TENM2: variants seen among roughly 807,000 people sequenced by gnomAD.
TENM2 encodes teneurin transmembrane protein 2.
Under a neutral mutation model 245.2 loss-of-function variants are expected in TENM2, and 52 were observed. The observed-to-expected ratio is 0.21, with a 90% CI of 0.17 to 0.27. The LOEUF is 0.27. Ranked by LOEUF, TENM2 falls within the 10% of genes least tolerant of loss-of-function variation. The pLI, the probability that TENM2 is intolerant of heterozygous loss-of-function variation, is 1.00. For missense variants in TENM2, 3,046 were observed against 3,666.8 expected, an observed-to-expected ratio of 0.83 and a Z score of 4.37; for synonymous variants, 1,363 against 1,438.9, an observed-to-expected ratio of 0.95 and a Z score of 1.19.
chr5:167,313,382 T>A (rs1756155773), intron 1 of TENM2, among the ~76,000 whole-genome samples: 1 of 152,074 alleles, frequency 6.6e-6, no homozygotes, highest in South Asian at 2.1e-4. Flanking sequence ...GGCTCACGCC[T>A]TATAATCCCA....
At chr5:168,246,674 G>A in intron 26 of TENM2, 83 bp from the exon 29 acceptor site, 1 of 1,341,058 alleles carries the variant, frequency 7.5e-7, no homozygotes, top group Admixed American at 1.9e-5. Context: ...TGACATTTGG[G>A]GAAATGGACT....
intron 1 of TENM2, among the ~76,000 whole-genome samples, chr5:167,295,221 G>T (rs1754881013): frequency 6.6e-6 from 1 of 152,200 alleles, no homozygotes; most frequent in Non-Finnish European, 1.5e-5. Context: ...AATGTGGATG[G>T]TATGTCTGTC....
intron 27 of TENM2, among the ~76,000 whole-genome samples, chr5:168,254,733 TGAG>T (rs1291961486): frequency 6.6e-6 from 1 of 152,018 alleles, no homozygotes; most frequent in Non-Finnish European, 1.5e-5. Flanking sequence ...AAGATCCCAA[TGAG>T]GAGAGTCTTC....
intron 2 of TENM2, among the ~76,000 whole-genome samples, chr5:167,423,823 A>T (rs1763651877): frequency 1.3e-5 from 2 of 152,158 alleles, no homozygotes; most frequent in South Asian, 4.1e-4. Context: ...TCTGAAATTC[A>T]TGGGTAGCTA....
At chr5:167,084,364 T>TATATAC in the TENM2 span, among the ~76,000 whole-genome samples, 4 of 111,142 alleles carry the variant, frequency 3.6e-5, 1 homozygote, top group Non-Finnish European at 8.0e-5. Flanking sequence ...TATATATATA[T>TATATAC]ATACAGATCA....
rs545808960 is a variant in TENM2, at chr5:167,603,686, CAAAAT to C, written c.502+228221_502+228225del. On this transcript the variant is annotated intron_variant, in intron 2 of 28. Transcript: ENST00000518659. The stretch of plus-strand genomic sequence containing the variant: ...ACAGAGTCAGACCTTGTCTCAAAAA[CAAAAT>C]AAAATAAGAGTAGTCTTTAAGATCA... Among the ~76,000 whole-genome samples the C allele has an allele frequency of 4.7e-4, 71 of 152,164 alleles. 1 individual carries two copies. The highest frequency in any genetic ancestry group is 1.7e-3 in the African/African-American group (69 of 41,526).
intron 2 of TENM2, among the ~76,000 whole-genome samples, chr5:167,438,840 C>T (rs1478468331): frequency 6.6e-6 from 1 of 152,096 alleles, no homozygotes; most frequent in Non-Finnish European, 1.5e-5. Context: ...GTCACCCAGA[C>T]TGGAGTGCAA....
chr5:167,583,518 C>T (rs1032260781), intron 2 of TENM2, among the ~76,000 whole-genome samples: 1 of 123,280 alleles, frequency 8.1e-6, no homozygotes, highest in Non-Finnish European at 1.8e-5. Flanking sequence ...ACACCCCAAA[C>T]CTATCTTAAA....
chr5:167,886,553 C>T (rs1202406775), intron 3 of TENM2, among the ~76,000 whole-genome samples: 1 of 152,110 alleles, frequency 6.6e-6, no homozygotes, highest in African/African-American at 2.4e-5. Flanking sequence ...CAAGAAATAG[C>T]AGCAAAGCAT....
chr5:168,214,805 A>C (rs1225942068), intron 20 of TENM2: 4 of 613,114 alleles, frequency 6.5e-6, no homozygotes, highest in African/African-American at 1.8e-5. Context: ...ACAGTTGTTT[A>C]GCATGGTGGG....
At chr5:168,072,939 G>A (rs1269280971) in intron 7 of TENM2, among the ~76,000 whole-genome samples, 1 of 152,170 alleles carries the variant, frequency 6.6e-6, no homozygotes, top group African/African-American at 2.4e-5. Context: ...CGAGACTCTA[G>A]TATAGACTGC....
At chr5:167,855,214 C>T (rs1770954493) in intron 2 of TENM2, among the ~76,000 whole-genome samples, 1 of 152,064 alleles carries the variant, frequency 6.6e-6, no homozygotes, top group African/African-American at 2.4e-5. Flanking sequence ...ATTTCTTGTG[C>T]TTCCCCTAGA....
chr5:167,286,442 A>G (rs1393721605), intron 1 of TENM2, among the ~76,000 whole-genome samples: 2 of 152,150 alleles, frequency 1.3e-5, no homozygotes, highest in African/African-American at 4.8e-5. Context: ...CCATTCCCCA[A>G]ATTTCAGGTA....
At chr5:167,765,514 G>A (rs925143851) in intron 2 of TENM2, among the ~76,000 whole-genome samples, 1 of 152,204 alleles carries the variant, frequency 6.6e-6, no homozygotes, top group African/African-American at 2.4e-5. Flanking sequence ...TCTCTTGTAT[G>A]ATCTTGCATC....
the TENM2 span, among the ~76,000 whole-genome samples, chr5:167,062,905 A>G: frequency 6.6e-6 from 1 of 152,224 alleles, no homozygotes; most frequent in Non-Finnish European, 1.5e-5. Context: ...GTATTAGTAC[A>G]GGAAGGATAC....
At chr5:168,182,447 G>C (rs4976580) in intron 13 of TENM2, among the ~76,000 whole-genome samples, 23,440 of 152,198 alleles carry the variant, frequency 0.15, 2,308 homozygotes, top group South Asian at 0.23. Context: ...TTTCAGTGCA[G>C]TCAGCATTAT....
intron 1 of TENM2, among the ~76,000 whole-genome samples, chr5:167,360,509 A>T (rs925306521): frequency 1.3e-5 from 2 of 152,082 alleles, no homozygotes; most frequent in Non-Finnish European, 2.9e-5. Flanking sequence ...CCCAGCTCCC[A>T]TATGGTAGGC....
chr5:168,260,285 G>A (rs1377163717), exon 28 of TENM2: 3 of 1,613,966 alleles, frequency 1.9e-6, no homozygotes, highest in Non-Finnish European at 1.7e-6. Context: ...CACCATAGAT[G>A]TGAAAAGCTG....
At chr5:167,008,746 A>G in the TENM2 span, among the ~76,000 whole-genome samples, 1 of 152,128 alleles carries the variant, frequency 6.6e-6, no homozygotes, top group South Asian at 2.1e-4. Context: ...GGATGTTTCT[A>G]AGGAAACATC....
Sources: allele counts gnomAD v4.1 joint callset (sites outside exome capture counted in the v4.1 genomes callset), GRCh38; gene constraint gnomAD v4.1.1; transcripts MANE v1.5; gene names NCBI Gene and HGNC (gene_info 2026-07-23, HGNC 2026-07-21).